Variants in ECT2L observed in about 807,000 individuals in gnomAD.
ECT2L encodes the protein epithelial cell-transforming sequence 2 oncogene-like.
ECT2L carries 126 observed loss-of-function variants against 122.8 expected under a neutral mutation model. The ratio of observed to expected loss-of-function variants is 1.03; its 90% CI spans 0.89 to 1.19. The LOEUF (loss-of-function observed/expected upper bound fraction) is 1.19. Among genes scored for constraint, ECT2L ranks in the 50% most tolerant of loss-of-function variants. The pLI is 0.00. For synonymous variants in ECT2L, 385 were observed against 381.8 expected, an observed-to-expected ratio of 1.01 and a Z score of -0.10; for missense variants, 1,012 against 1,064.1, an observed-to-expected ratio of 0.95 and a Z score of 0.68.
chr6:138,849,369 G>A lies in ECT2L; in HGVS notation c.1004G>A (p.Gly335Glu), dbSNP rs1242229204. Residue 335 changes from glycine to glutamate, a missense_variant, in exon 9 of 22, where the codon GGG (glycine) becomes GAG (glutamate). Transcript: ENST00000541398. ...TATCTTATAGAAAAAGCTCTGGATG[G>A]GCAGAAGGCACAGAGCATCGGAATA... The part of the protein sequence containing the change: ...LLYLIEKALD[G>E]QKAQSIGIFS... The A allele has an allele frequency of 1.9e-6, 3 of 1,613,992 alleles. No homozygotes were observed. Among genetic ancestry groups the A allele is most frequent in the South Asian group, 1.1e-5 (1 of 91,066 alleles).
rs1214999303 is a variant in ECT2L, at chr6:138,847,354, ACTT to A, written c.903+678_903+680del. Among the ~76,000 whole-genome samples the A allele has an allele frequency of 8.2e-4, 91 of 111,060 alleles. 3 individuals are homozygous for A. Among genetic ancestry groups the A allele is most frequent in the African/African-American group, 3.4e-3 (84 of 24,942 alleles). 72.9% of individuals were successfully genotyped at this position (111,060 alleles called of 152,430 possible). A position where few individuals can be genotyped will look rare whatever the true frequency, so the allele number is the denominator to read the frequency against. On this transcript the variant is annotated intron_variant, in intron 8 of 21. Coordinates refer to ENST00000541398, the MANE Select transcript of ECT2L (RefSeq NM_001077706.3). Reference sequence around the variant, plus strand: ...TTTTGAAAAAGCATTAAAGGCCCAAACTTTTTTTTTTTTTTTTTTTTTTTTTTT... The same window carrying A: ...TTTTGAAAAAGCATTAAAGGCCCAAATTTTTTTTTTTTTTTTTTTTTTTTT...
chr6:138,834,226 ATGT>A (rs1214630575), intron 4 of ECT2L, among the ~76,000 whole-genome samples: 17 of 152,298 alleles, frequency 1.1e-4, no homozygotes, highest in African/African-American at 3.8e-4. Context: ...GTCTCCTTAC[ATGT>A]TGTTATTTCT....
chr6:138,800,721 C>T (rs1214886531), intron 1 of ECT2L, among the ~76,000 whole-genome samples: 2 of 152,150 alleles, frequency 1.3e-5, no homozygotes, highest in East Asian at 3.8e-4. Flanking sequence ...TTTTTTCTTA[C>T]TAATAACTTG....
chr6:138,863,912 G>A (rs947086693), intron 11 of ECT2L, among the ~76,000 whole-genome samples: 2 of 145,978 alleles, frequency 1.4e-5, no homozygotes, highest in Non-Finnish European at 3.0e-5. Context: ...GCATCTGGCC[G>A]GGAACAGGTT....
chr6:138,867,506 C>A (rs1778087295), intron 12 of ECT2L, among the ~76,000 whole-genome samples: 1 of 151,810 alleles, frequency 6.6e-6, no homozygotes. Context: ...AAGACCCCAT[C>A]TCTACAAAAA....
At chr6:138,799,903 GAA>G (rs1775482767) in intron 1 of ECT2L, among the ~76,000 whole-genome samples, 1 of 152,214 alleles carries the variant, frequency 6.6e-6, no homozygotes, top group African/African-American at 2.4e-5. Context: ...CTCCCAGGGT[GAA>G]TCTGAAGATT....
chr6:138,809,189 CT>C (rs1409032887), intron 1 of ECT2L, among the ~76,000 whole-genome samples: 2 of 152,126 alleles, frequency 1.3e-5, no homozygotes, highest in African/African-American at 4.8e-5. Flanking sequence ...GTATTTGCAC[CT>C]TATTCAGATT....
intron 15 of ECT2L, among the ~76,000 whole-genome samples, chr6:138,881,407 GC>G (rs1199440976): frequency 6.6e-6 from 1 of 151,908 alleles, no homozygotes; most frequent in African/African-American, 2.4e-5. Flanking sequence ...CAGGACCTAG[GC>G]ATTTTGTAAC....
At chr6:138,892,692 C>T (rs973307224) in intron 20 of ECT2L, among the ~76,000 whole-genome samples, 1 of 152,138 alleles carries the variant, frequency 6.6e-6, no homozygotes, top group African/African-American at 2.4e-5. Flanking sequence ...TGGGATTCAC[C>T]ACATTGGCTA....
chr6:138,856,008 G>A lies in ECT2L; in HGVS notation c.1198+1854G>A, dbSNP rs1321437132. Among the ~76,000 whole-genome samples the A allele has an allele frequency of 1.1e-4, 16 of 152,260 alleles. No individual in the cohort carries two copies. In the East Asian group the frequency reaches 1.5e-3, roughly 15 times the overall value. ...GCTTTCTATCACCATTCTGGGCCCC[G>A]AAATTCTCATCAAATGTAATATCCA... On this transcript the variant is annotated intron_variant, in intron 10 of 21. Transcript: ENST00000541398.
intron 20 of ECT2L, among the ~76,000 whole-genome samples, chr6:138,898,234 T>A (rs1779280509): frequency 6.6e-6 from 1 of 152,174 alleles, no homozygotes; most frequent in African/African-American, 2.4e-5. Context: ...TCCTTTATTC[T>A]CAGAATAACC....
At chr6:138,844,638 C>A in intron 7 of ECT2L, 58 bp downstream of exon 7, 1 of 1,508,248 alleles carries the variant, frequency 6.6e-7, no homozygotes, top group East Asian at 2.3e-5. Context: ...ATAATTCACT[C>A]TAGAATAAAT....
At chr6:138,824,553 A>C (rs1776368038) in intron 4 of ECT2L, among the ~76,000 whole-genome samples, 2 of 71,508 alleles carry the variant, frequency 2.8e-5, no homozygotes, top group African/African-American at 1.3e-4. Context: ...AAAAAAAAAA[A>C]ACTATAAAAA....
At chr6:138,877,704 C>G (rs921208066) in intron 14 of ECT2L, among the ~76,000 whole-genome samples, 8 of 152,132 alleles carry the variant, frequency 5.3e-5, no homozygotes, top group African/African-American at 1.7e-4. Context: ...GAGGCCAAGG[C>G]AGGTGCATCG....
At chr6:138,810,440 T>C (rs1185142802) in intron 1 of ECT2L, among the ~76,000 whole-genome samples, 1 of 152,214 alleles carries the variant, frequency 6.6e-6, no homozygotes, top group East Asian at 1.9e-4. Flanking sequence ...TGGCTTTTTC[T>C]AAGGAAGCCT....
chr6:138,867,576 A>G (rs1778089856), intron 12 of ECT2L, among the ~76,000 whole-genome samples: 3 of 151,328 alleles, frequency 2.0e-5, no homozygotes. Flanking sequence ...TTGGGAGGCC[A>G]AGGCAGGAGG....
At chr6:138,887,392 A>G (rs1778865668) in intron 19 of ECT2L, among the ~76,000 whole-genome samples, 2 of 151,884 alleles carry the variant, frequency 1.3e-5, no homozygotes. Flanking sequence ...ACGCCCAGCT[A>G]ATTTTTTGTA....
At chr6:138,832,305 C>A (rs940523111) in intron 4 of ECT2L, among the ~76,000 whole-genome samples, 1 of 151,562 alleles carries the variant, frequency 6.6e-6, no homozygotes, top group African/African-American at 2.4e-5. Context: ...ACCTTCAGTT[C>A]TGGAGATGAC....
intron 10 of ECT2L, among the ~76,000 whole-genome samples, chr6:138,861,154 G>C (rs1777817111): frequency 6.6e-6 from 1 of 152,114 alleles, no homozygotes. Flanking sequence ...TTGGTTCCAA[G>C]TCTTTGCTAT....
Sources: allele counts gnomAD v4.1 joint callset (sites outside exome capture counted in the v4.1 genomes callset), GRCh38; gene constraint gnomAD v4.1.1; transcripts MANE v1.5; gene names NCBI Gene and HGNC (gene_info 2026-07-23, HGNC 2026-07-21).